The following C1orf21 variants were observed in gnomAD, a reference collection of about 807,000 sequenced individuals.
C1orf21 encodes the protein chromosome 1 open reading frame 21, also known as uncharacterized protein C1orf21.
A neutral mutation model predicts 18.7 loss-of-function variants in C1orf21; 3 were observed. The observed-to-expected ratio is 0.16, with a 90% CI of 0.07 to 0.42. The LOEUF is 0.42. C1orf21 is among the 10% of genes least tolerant of loss of function. C1orf21 has a pLI of 0.99. For missense variants in C1orf21, 104 were observed against 143.6 expected, an observed-to-expected ratio of 0.72 and a Z score of 1.41; for synonymous variants, 41 against 46.4, an observed-to-expected ratio of 0.88 and a Z score of 0.47.
intron 3 of C1orf21, among the ~76,000 whole-genome samples, chr1:184,560,925 GC>G (rs1658955235): frequency 6.6e-6 from 1 of 152,112 alleles, no homozygotes; most frequent in African/African-American, 2.4e-5. Context: ...TAATTAGTAC[GC>G]CAGTTATCTG....
At chr1:184,389,229 T>C (rs896708822) in intron 1 of C1orf21, among the ~76,000 whole-genome samples, 2 of 147,618 alleles carry the variant, frequency 1.4e-5, no homozygotes, top group African/African-American at 5.0e-5. Flanking sequence ...GCTCAGCTCT[T>C]GGGTGGGTGG....
intron 3 of C1orf21, among the ~76,000 whole-genome samples, chr1:184,584,151 T>TC (rs1212261024): frequency 6.7e-6 from 1 of 149,480 alleles, no homozygotes; most frequent in African/African-American, 2.4e-5. Flanking sequence ...TTTTTTTTTT[T>TC]TTTTAAGAAA....
chr1:184,519,278 C>T (rs562837669), intron 3 of C1orf21, among the ~76,000 whole-genome samples: 2 of 152,244 alleles, frequency 1.3e-5, no homozygotes, highest in Non-Finnish European at 2.9e-5. Flanking sequence ...TCCTCCTGTC[C>T]AGTAAAGGAT....
At chr1:184,406,722 A>G (rs922423713) in intron 1 of C1orf21, among the ~76,000 whole-genome samples, 4 of 152,208 alleles carry the variant, frequency 2.6e-5, no homozygotes, top group Non-Finnish European at 5.9e-5. Flanking sequence ...TATGGAGGCC[A>G]TGGTCCAAAT....
At chr1:184,407,527 G>A (rs972660737) in intron 1 of C1orf21, among the ~76,000 whole-genome samples, 1 of 152,108 alleles carries the variant, frequency 6.6e-6, no homozygotes, top group Non-Finnish European at 1.5e-5. Context: ...GAGTTGTGCC[G>A]CATCCGCTTA....
At chr1:184,543,649 G>T (rs908877173) in intron 3 of C1orf21, among the ~76,000 whole-genome samples, 16 of 152,088 alleles carry the variant, frequency 1.1e-4, no homozygotes, top group African/African-American at 3.9e-4. Flanking sequence ...ATCACTTCTG[G>T]CAGTAGAAAC....
At chr1:184,606,010 G>A (rs934674510) in intron 5 of C1orf21, among the ~76,000 whole-genome samples, 2 of 152,208 alleles carry the variant, frequency 1.3e-5, no homozygotes, top group African/African-American at 4.8e-5. Context: ...ATATCTCCTT[G>A]TAGAAAGAGT....
intron 1 of C1orf21, among the ~76,000 whole-genome samples, chr1:184,467,663 GA>G (rs1407608983): frequency 6.6e-6 from 1 of 152,130 alleles, no homozygotes; most frequent in African/African-American, 2.4e-5. Flanking sequence ...CATCTGTCTT[GA>G]CCATCTCTTC....
intron 2 of C1orf21, among the ~76,000 whole-genome samples, chr1:184,480,816 A>C (rs1399797632): frequency 6.6e-6 from 1 of 152,106 alleles, no homozygotes. Flanking sequence ...GGGAGTGAGC[A>C]GTTGGGGGTC....
At position 184,628,082 on chromosome 1, in the gene C1orf21, T is replaced by G. The variant is rs1047702255; in HGVS notation, c.*8526T>G. The G allele has an allele frequency of 2.0e-5, 3 of 152,056 alleles. No homozygotes were observed. The allele number at this position is 152,056 out of a possible 1,614,324, so 9.4% of individuals were successfully genotyped here. On this transcript the variant is annotated 3_prime_UTR_variant, in exon 6 of 6. Transcript: ENST00000235307. ...TCACCTCTCAATCAGGTCTGGGAGG[T>G]ATCTTGGGGCATTGCTCTTCTGAAC... is the stretch of plus-strand genomic sequence containing the variant.
intron 2 of C1orf21, among the ~76,000 whole-genome samples, chr1:184,488,796 C>G (rs1179227088): frequency 6.6e-6 from 1 of 152,158 alleles, no homozygotes; most frequent in Non-Finnish European, 1.5e-5. Context: ...GAAATCCTGT[C>G]TCTACTAAAA....
intron 1 of C1orf21, among the ~76,000 whole-genome samples, chr1:184,470,593 A>G (rs983256035): frequency 1.3e-5 from 2 of 152,176 alleles, no homozygotes; most frequent in African/African-American, 4.8e-5. Context: ...AAGTGGAAGA[A>G]GAAGGCCAGG....
intron 5 of C1orf21, among the ~76,000 whole-genome samples, chr1:184,613,777 T>G (rs1409622316): frequency 6.6e-6 from 1 of 151,794 alleles, no homozygotes; most frequent in Non-Finnish European, 1.5e-5. Flanking sequence ...GTTTTCCCCC[T>G]CAGTAAGGGA....
chr1:184,587,829 G>T (rs1034172508), intron 3 of C1orf21, among the ~76,000 whole-genome samples: 1 of 152,022 alleles, frequency 6.6e-6, no homozygotes, highest in African/African-American at 2.4e-5. Context: ...TGGCCAGGCT[G>T]CTCTGGAGCT....
At chr1:184,489,967 A>G (rs1327710125) in intron 2 of C1orf21, among the ~76,000 whole-genome samples, 3 of 152,230 alleles carry the variant, frequency 2.0e-5, no homozygotes, top group African/African-American at 4.8e-5. Context: ...TTATTTTGAT[A>G]AATATAATTC....
intron 3 of C1orf21, among the ~76,000 whole-genome samples, chr1:184,547,150 A>G (rs61825204): frequency 0.18 from 27,328 of 152,144 alleles, 2,673 homozygotes; most frequent in Middle Eastern, 0.23. Flanking sequence ...GAGAAGGAGA[A>G]TGAGGGCAAG....
chr1:184,423,956 C>T (rs1005457694), intron 1 of C1orf21, among the ~76,000 whole-genome samples: 14 of 152,054 alleles, frequency 9.2e-5, no homozygotes, highest in African/African-American at 2.4e-4. Context: ...GTGCTGGCAA[C>T]GTAAAGTTTA....
intron 3 of C1orf21, among the ~76,000 whole-genome samples, chr1:184,554,923 C>T (rs550259452): frequency 6.6e-6 from 1 of 152,292 alleles, no homozygotes; most frequent in East Asian, 1.9e-4. Flanking sequence ...CAAGAATATA[C>T]ACATTTCTCT....
intron 1 of C1orf21, among the ~76,000 whole-genome samples, chr1:184,403,141 T>G (rs1656190431): frequency 6.6e-6 from 1 of 152,198 alleles, no homozygotes; most frequent in Admixed American, 6.5e-5. Flanking sequence ...ACTCTTAACA[T>G]GTACAAGAAT....
Sources: gnomAD v4.1 joint callset for allele counts (sites outside exome capture counted in the v4.1 genomes callset) on GRCh38, gnomAD v4.1.1 for gene constraint, MANE v1.5 for transcripts, NCBI Gene and HGNC (gene_info 2026-07-23, HGNC 2026-07-21) for gene names.